TCEA3: variants seen among roughly 807,000 people sequenced by gnomAD.
The protein encoded by TCEA3 is transcription elongation factor A3.
Under a neutral mutation model 44.0 loss-of-function variants are expected in TCEA3, and 36 were observed. The observed-to-expected ratio is 0.82, with a 90% confidence interval of 0.63 to 1.08. The LOEUF (loss-of-function observed/expected upper bound fraction) is 1.08, where lower values mean the gene tolerates loss of function less well. TCEA3 is among the 50% of genes least tolerant of loss of function. The probability of loss-of-function intolerance (pLI) is 0.00; values close to 1 mark genes in which losing one functional copy is unlikely to be tolerated. For missense variants in TCEA3, 392 were observed against 441.2 expected (o/e 0.89, Z 1.00); for synonymous variants, 162 against 159.7 (o/e 1.01, Z -0.11).
At chr1:23,418,944 C>A (rs1033937186) in intron 2 of TCEA3, 133 bp downstream of exon 2, 86 of 745,830 alleles carry the variant, frequency 1.2e-4, no homozygotes, top group Non-Finnish European at 1.7e-4. Flanking sequence ...GAGGTCTCCA[C>A]CTCAAGATCC....
chr1:23,398,646 T>A (rs1206695848), intron 5 of TCEA3, among the ~76,000 whole-genome samples: 1 of 152,208 alleles, frequency 6.6e-6, no homozygotes, highest in Non-Finnish European at 1.5e-5. Flanking sequence ...TCATCTCTAT[T>A]TTAAGACGAG....
intron 5 of TCEA3, chr1:23,403,976 C>A: frequency 1.6e-6 from 1 of 624,764 alleles, no homozygotes; most frequent in Admixed American, 2.3e-5. Flanking sequence ...GAGAGGGCAT[C>A]ATCGGCCGGG....
chr1:23,388,474 G>T (rs1363931698), intron 8 of TCEA3, among the ~76,000 whole-genome samples: 1 of 152,122 alleles, frequency 6.6e-6, no homozygotes, highest in African/African-American at 2.4e-5. Flanking sequence ...GGGATTACAG[G>T]TATGAACCAC....
At chr1:23,423,126 A>T (rs549148787) in intron 1 of TCEA3, among the ~76,000 whole-genome samples, 6 of 152,246 alleles carry the variant, frequency 3.9e-5, no homozygotes, top group African/African-American at 1.2e-4. Context: ...TGTACTGAGG[A>T]TTGTGGAGGA....
At chr1:23,392,961 T>C (rs1178131231) in intron 8 of TCEA3, among the ~76,000 whole-genome samples, 1 of 152,188 alleles carries the variant, frequency 6.6e-6, no homozygotes, top group Non-Finnish European at 1.5e-5. Flanking sequence ...TACAGTGTGA[T>C]ATATATAATG....
chr1:23,384,466 C>T (rs1227948350), intron 9 of TCEA3, 49 bp from the exon 10 acceptor site: 1 of 1,586,872 alleles, frequency 6.3e-7, no homozygotes, highest in Non-Finnish European at 8.6e-7. Flanking sequence ...GTTCTAGGAC[C>T]TGCCATGGCT....
chr1:23,393,194 G>A (rs1639113157), intron 8 of TCEA3, among the ~76,000 whole-genome samples: 1 of 152,110 alleles, frequency 6.6e-6, no homozygotes. Context: ...TCTGACAGGA[G>A]GCGGAGCTCA....
At chr1:23,392,411 T>TCC (rs1484504353) in intron 8 of TCEA3, among the ~76,000 whole-genome samples, 9 of 2,988 alleles carry the variant, frequency 3.0e-3, no homozygotes, top group Non-Finnish European at 3.4e-3. Context: ...CACATCATCA[T>TCC]GCACAATACA....
chr1:23,395,269 C>T (rs1035150398), intron 7 of TCEA3, among the ~76,000 whole-genome samples: 5 of 152,200 alleles, frequency 3.3e-5, no homozygotes, highest in Non-Finnish European at 7.3e-5. Context: ...GCAGGGCTGG[C>T]GATACTTTCA....
At chr1:23,419,445 T>G in intron 1 of TCEA3, 3 of 268,264 alleles carry the variant, frequency 1.1e-5, no homozygotes, top group African/African-American at 2.2e-5. Flanking sequence ...AATGAATTCC[T>G]TCCTGGCTTA....
rs59905045 is a variant in TCEA3, at chr1:23,391,148, C to CTTT, written c.819+2728_819+2730dup. On this transcript the variant is annotated intron_variant, in intron 8 of 10. Coordinates refer to ENST00000450454, the MANE Select transcript of TCEA3 (RefSeq NM_003196.3). Reference sequence around the variant, plus strand: ...TTTTTCTTTTTTTCTTTCTTTCTTTCTTTTTTTTTTTTTTTTTTGAGATGG... The same window carrying CTTT: ...TTTTTCTTTTTTTCTTTCTTTCTTTCTTTTTTTTTTTTTTTTTTTTTGAGATGG... Among the ~76,000 whole-genome samples, 817 of 126,376 alleles carry CTTT rather than the reference C, an allele frequency of 6.5e-3. 12 individuals are homozygous for CTTT. The highest frequency in any genetic ancestry group is 0.022 in the African/African-American group (746 of 33,940). The allele number at this position is 126,376 out of a possible 152,430, so 82.9% of individuals were successfully genotyped here. A position where few individuals can be genotyped will look rare whatever the true frequency, so the allele number is the denominator to read the frequency against.
At chr1:23,387,569 C>G (rs1245340224) in intron 8 of TCEA3, 150 bp from the exon 9 acceptor site, 38 of 986,024 alleles carry the variant, frequency 3.9e-5, no homozygotes, top group Non-Finnish European at 5.5e-5. Context: ...GGGTCCTGCC[C>G]CAGCTGGGAG....
Position 23,384,392 on chromosome 1 carries a change from G to A in TCEA3, c.992C>T (p.Pro331Leu). Residue 331 changes from proline (P) to leucine (L), a missense_variant, in exon 10 of 11, where the codon CCC (proline) becomes CTC (leucine). Pro to Leu is a moderately conservative substitution (Grantham distance 98, BLOSUM62 -3). Coordinates refer to ENST00000450454, the MANE Select transcript of TCEA3 (RefSeq NM_003196.3). ...ATTGCATAAGACAAAGGTAGTCATG[G>A]GCTCATCAGCACTGCGTGTCTGCAC... Reference protein sequence around the residue: ...NQVQTRSADEPMTTFVLCNEC... With the variant: ...NQVQTRSADELMTTFVLCNEC... The A allele has an allele frequency of 6.2e-7, 1 of 1,613,746 alleles. No homozygotes were observed. The highest frequency in any genetic ancestry group is 1.1e-5 in the South Asian group (1 of 91,002).
chr1:23,389,769 C>CATGGGACAAAATGCTATGGTCA (rs1486735727), intron 8 of TCEA3, among the ~76,000 whole-genome samples: 4 of 152,196 alleles, frequency 2.6e-5, no homozygotes, highest in Non-Finnish European at 5.9e-5. Flanking sequence ...TGTCAGCTTC[C>CATGGGACAAAATGCTATGGTCA]ATGGGACAAA....
intron 10 of TCEA3, among the ~76,000 whole-genome samples, chr1:23,382,965 C>T (rs78548000): frequency 0.016 from 2,373 of 152,302 alleles, 70 homozygotes; most frequent in African/African-American, 0.055. Flanking sequence ...CCAGTAAGGG[C>T]TACTGAGGTC....
In TCEA3 at chr1:23,381,163, C is replaced by A; in HGVS notation, c.*303G>T. 1 of 371,296 alleles carries A rather than the reference C, an allele frequency of 2.7e-6. No individual in the cohort carries two copies. The highest frequency in any genetic ancestry group is 2.1e-5 in the African/African-American group (1 of 47,380). The allele number at this position is 371,296 out of a possible 1,614,324, so 23.0% of individuals were successfully genotyped here. On this transcript the variant is annotated 3_prime_UTR_variant, in exon 11 of 11. Transcript: ENST00000450454. ...CTTCTGGGGTTAAGCGATTCTCCCA[C>A]CTCAGCCTCCCAGAGTTTGCAGATT...
intron 7 of TCEA3, among the ~76,000 whole-genome samples, chr1:23,394,376 A>G (rs940963620): frequency 6.6e-6 from 1 of 152,176 alleles, no homozygotes; most frequent in Non-Finnish European, 1.5e-5. Flanking sequence ...TTTATAAAAT[A>G]CAAGGATTCT....
chr1:23,415,950 T>TTGGG (rs1639874812), intron 4 of TCEA3, among the ~76,000 whole-genome samples: 1 of 151,952 alleles, frequency 6.6e-6, no homozygotes, highest in African/African-American at 2.4e-5. Context: ...GTGATTGTCT[T>TTGGG]TGGGTGGTGG....
intron 5 of TCEA3, among the ~76,000 whole-genome samples, chr1:23,404,481 C>A (rs1311140464): frequency 3.9e-5 from 6 of 151,990 alleles, no homozygotes; most frequent in Non-Finnish European, 8.8e-5. Flanking sequence ...TGTTTTATAC[C>A]TACCCCTTTC....
Sources: allele counts gnomAD v4.1 joint callset (sites outside exome capture counted in the v4.1 genomes callset), GRCh38; gene constraint gnomAD v4.1.1; transcripts MANE v1.5; gene names NCBI Gene and HGNC (gene_info 2026-07-23, HGNC 2026-07-21).